The following KCNH1 variants were observed in gnomAD, a reference collection of about 807,000 sequenced individuals.
KCNH1 encodes voltage-gated delayed rectifier potassium channel KCNH1.
A neutral mutation model predicts 69.2 loss-of-function variants in KCNH1; 27 were observed. That is an observed-to-expected ratio of 0.39 (90% CI 0.29 to 0.54). The LOEUF (loss-of-function observed/expected upper bound fraction) is 0.54. Ranked by LOEUF, KCNH1 falls within the 20% of genes least tolerant of loss-of-function variation. The pLI is 0.68. For synonymous variants in KCNH1, 456 were observed against 487.7 expected, an observed-to-expected ratio of 0.93 and a Z score of 0.86; for missense variants, 798 against 1,261.6, an observed-to-expected ratio of 0.63 and a Z score of 5.57.
At chr1:210,977,290 G>C (rs1434386611) in intron 6 of KCNH1, among the ~76,000 whole-genome samples, 1 of 152,122 alleles carries the variant, frequency 6.6e-6, no homozygotes, top group Admixed American at 6.6e-5. Flanking sequence ...ACTGGGGCCT[G>C]TCGTGAGGTG....
rs542675315 is a variant in KCNH1, at chr1:211,080,366, G to T, written c.558+2414C>A. 3.9e-5 allele frequency among the ~76,000 whole-genome samples: 6 copies of T among 152,238 alleles called. No individual in the cohort carries two copies. In the South Asian group the frequency reaches 6.2e-4, roughly 16 times the overall value. On this transcript the variant is annotated intron_variant, in intron 5 of 10. Transcript: ENST00000271751. ...ATTCCATCCTCATGGATAGGAAGAA[G>T]CAATATCATGAAAATGGCCATACTG... is the stretch of plus-strand genomic sequence containing the variant.
At chr1:210,810,950 C>T (rs1684690056) in intron 7 of KCNH1, among the ~76,000 whole-genome samples, 1 of 152,124 alleles carries the variant, frequency 6.6e-6, no homozygotes, top group South Asian at 2.1e-4. Context: ...GTAGACTGAC[C>T]TGGCTAGAGT....
At chr1:211,047,464 TA>T (rs927106354) in intron 5 of KCNH1, among the ~76,000 whole-genome samples, 5 of 152,138 alleles carry the variant, frequency 3.3e-5, no homozygotes, top group African/African-American at 1.2e-4. Flanking sequence ...CAGAGAGGGC[TA>T]AAAACACAGT....
intron 6 of KCNH1, among the ~76,000 whole-genome samples, chr1:210,922,237 C>T (rs1210583140): frequency 1.3e-5 from 2 of 151,804 alleles, no homozygotes; most frequent in Non-Finnish European, 2.9e-5. Flanking sequence ...AAAAACTTAG[C>T]CAGGCGTGGT....
chr1:210,861,874 T>G (rs1269629739), intron 7 of KCNH1: 2 of 763,270 alleles, frequency 2.6e-6, no homozygotes, highest in Admixed American at 1.7e-5. Context: ...GTTATCACAC[T>G]GAAGATAAAA....
intron 7 of KCNH1, among the ~76,000 whole-genome samples, chr1:210,914,748 T>A (rs556685432): frequency 3.4e-4 from 52 of 151,800 alleles, no homozygotes; most frequent in African/African-American, 1.3e-3. Flanking sequence ...CTCACAAGAG[T>A]CCCTTTAGCT....
chr1:210,997,692 C>T (rs574865206), intron 6 of KCNH1, among the ~76,000 whole-genome samples: 2 of 152,226 alleles, frequency 1.3e-5, no homozygotes, highest in East Asian at 3.9e-4. Flanking sequence ...AGAAGAGCAA[C>T]TCCAAGACAC....
At chr1:210,881,786 GT>G (rs1259019421) in intron 7 of KCNH1, among the ~76,000 whole-genome samples, 3 of 152,274 alleles carry the variant, frequency 2.0e-5, no homozygotes, top group South Asian at 4.1e-4. Context: ...ATATGAAAAG[GT>G]TACTTACTGT....
chr1:210,781,635 A>G (rs1777254), intron 9 of KCNH1, among the ~76,000 whole-genome samples: 93,164 of 152,042 alleles, frequency 0.61, 29,046 homozygotes, highest in African/African-American at 0.67. Flanking sequence ...GAACTAGATC[A>G]TTCAGGGGGA....
chr1:210,768,215 T>A (rs1683678513), intron 10 of KCNH1, among the ~76,000 whole-genome samples: 1 of 152,210 alleles, frequency 6.6e-6, no homozygotes, highest in Non-Finnish European at 1.5e-5. Flanking sequence ...ATTATCATCG[T>A]CTTCTTTATC....
At chr1:210,998,436 G>A (rs918917418) in intron 6 of KCNH1, among the ~76,000 whole-genome samples, 39 of 152,260 alleles carry the variant, frequency 2.6e-4, no homozygotes, top group African/African-American at 8.4e-4. Context: ...TAATGGTAAA[G>A]GGATCAATTC....
chr1:210,861,971 T>C, intron 7 of KCNH1: 3 of 757,814 alleles, frequency 4.0e-6, no homozygotes, highest in Non-Finnish European at 7.3e-6. Context: ...TGTACCCTGA[T>C]GAGCTCAGGA....
intron 5 of KCNH1, among the ~76,000 whole-genome samples, chr1:211,051,453 G>A (rs1325345006): frequency 6.6e-6 from 1 of 151,114 alleles, no homozygotes; most frequent in Non-Finnish European, 1.5e-5. Context: ...GGTAGGAGCA[G>A]CTGGAAAGGC....
rs942290490 is a variant in KCNH1 at position 210,681,140 on chromosome 1, T to A, written c.*2141A>T. The A allele has an allele frequency of 6.6e-6, 1 of 151,732 alleles. No individual in the cohort carries two copies. The highest frequency in any genetic ancestry group is 6.6e-5 in the Admixed American group (1 of 15,218). 9.4% of individuals were successfully genotyped at this position (151,732 alleles called of 1,614,324 possible). On this transcript the variant is annotated 3_prime_UTR_variant, in exon 11 of 11. Transcript: ENST00000271751. ...GCCTTAAAAGTGGTGGGTCCTAAAC[T>A]TCAGAAGCAGGTTGAGGAGCATGTT...
chr1:210,983,012 G>A (rs1245151299), intron 6 of KCNH1, among the ~76,000 whole-genome samples: 4 of 152,190 alleles, frequency 2.6e-5, no homozygotes, highest in Non-Finnish European at 1.5e-5. Context: ...GTGTTTCTCT[G>A]ATGGCCAGTG....
rs533499683 is a variant in KCNH1, at chr1:210,871,207, C to A, written c.1462+48433G>T. 5.0e-3 allele frequency among the ~76,000 whole-genome samples: 767 copies of A among 152,094 alleles called. 6 individuals are homozygous for A. Among genetic ancestry groups the A allele is most frequent in the African/African-American group, 0.017 (718 of 41,472 alleles). On this transcript the variant is annotated intron_variant, in intron 7 of 10. Transcript: ENST00000271751. ...AATGAATGCAAACAAATTTACAAGA[C>A]AAAAACAAACAACCCCATCAAAAAG...
chr1:210,712,707 A>T (rs887831748), intron 10 of KCNH1, among the ~76,000 whole-genome samples: 1 of 151,974 alleles, frequency 6.6e-6, no homozygotes, highest in Non-Finnish European at 1.5e-5. Flanking sequence ...CAAGAGTTTC[A>T]CCTTTGCTTG....
chr1:210,882,955 CTG>C (rs1225187963), intron 7 of KCNH1, among the ~76,000 whole-genome samples: 1 of 152,094 alleles, frequency 6.6e-6, no homozygotes, highest in Non-Finnish European at 1.5e-5. Context: ...GTGAAAAAGA[CTG>C]TGAAGTATGC....
chr1:211,025,587 T>C lies in KCNH1; in HGVS notation c.559-6331A>G, dbSNP rs922347944. Among the ~76,000 whole-genome samples, 7 of 152,044 alleles carry C rather than the reference T, an allele frequency of 4.6e-5. No homozygotes were observed. In the East Asian group the frequency reaches 5.8e-4, roughly 13 times the overall value. On this transcript the variant is annotated intron_variant, in intron 5 of 10. Transcript: ENST00000271751. Reference sequence around the variant, plus strand: ...AAGCTGAGGCAGAGCTTGCATAATGTGAAAGAGTCTTGGAACATGTCCAGG... The same window carrying C: ...AAGCTGAGGCAGAGCTTGCATAATGCGAAAGAGTCTTGGAACATGTCCAGG...
Sources: allele counts gnomAD v4.1 joint callset (sites outside exome capture counted in the v4.1 genomes callset), GRCh38; gene constraint gnomAD v4.1.1; transcripts MANE v1.5; gene names NCBI Gene and HGNC (gene_info 2026-07-23, HGNC 2026-07-21).